VTI1A: variants seen among roughly 807,000 people sequenced by gnomAD.
The protein encoded by VTI1A is vesicle transport through interaction with t-SNAREs homolog 1A.
In VTI1A, 22 loss-of-function variants were observed where a neutral mutation model predicts 34.9. The observed-to-expected ratio is 0.63, with a 90% CI of 0.45 to 0.90. The LOEUF (loss-of-function observed/expected upper bound fraction) is 0.90, where lower values mean the gene tolerates loss of function less well. Ranked by LOEUF, VTI1A falls within the 40% of genes least tolerant of loss-of-function variation. The probability of loss-of-function intolerance (pLI) is 0.00; values close to 1 mark genes in which losing one functional copy is unlikely to be tolerated. For missense variants in VTI1A, 268 were observed against 275.6 expected, an observed-to-expected ratio of 0.97 and a Z score of 0.20; for synonymous variants, 87 against 97.3, an observed-to-expected ratio of 0.89 and a Z score of 0.62.
chr10:112,476,952 T>A (rs892671235), intron 3 of VTI1A, among the ~76,000 whole-genome samples: 1 of 152,206 alleles, frequency 6.6e-6, no homozygotes, highest in Non-Finnish European at 1.5e-5. Flanking sequence ...TGGTAAAGAC[T>A]GAGCCAGATC....
At chr10:112,489,809 T>C (rs1848760262) in intron 3 of VTI1A, among the ~76,000 whole-genome samples, 1 of 152,224 alleles carries the variant, frequency 6.6e-6, no homozygotes, top group Non-Finnish European at 1.5e-5. Flanking sequence ...GTTGTGGCTA[T>C]ATATAGGTAA....
intron 5 of VTI1A, among the ~76,000 whole-genome samples, chr10:112,641,951 T>G (rs538600115): frequency 3.3e-5 from 5 of 152,304 alleles, no homozygotes; most frequent in Non-Finnish European, 7.3e-5. Flanking sequence ...GAGCAGAAAT[T>G]GAACTGATCG....
chr10:112,793,254 A>G (rs540730624), intron 7 of VTI1A, among the ~76,000 whole-genome samples: 2 of 152,346 alleles, frequency 1.3e-5, no homozygotes, highest in South Asian at 4.1e-4. Flanking sequence ...AATTAGTACA[A>G]GAAACCCAGA....
intron 3 of VTI1A, among the ~76,000 whole-genome samples, chr10:112,491,397 C>T (rs1395411192): frequency 6.6e-6 from 1 of 152,142 alleles, no homozygotes; most frequent in African/African-American, 2.4e-5. Context: ...ACCTCAGTTT[C>T]CTTATCTGTA....
chr10:112,752,990 C>G (rs7069423), intron 7 of VTI1A, among the ~76,000 whole-genome samples: 7,510 of 151,972 alleles, frequency 0.049, 632 homozygotes, highest in African/African-American at 0.17. Context: ...GCCTGAAAAA[C>G]GGTTTTTTTT....
At chr10:112,769,204 C>T (rs555190737) in intron 7 of VTI1A, among the ~76,000 whole-genome samples, 1 of 152,234 alleles carries the variant, frequency 6.6e-6, no homozygotes, top group Non-Finnish European at 1.5e-5. Flanking sequence ...TCCAGATCAC[C>T]ACCACAGCCC....
intron 5 of VTI1A, among the ~76,000 whole-genome samples, chr10:112,639,635 T>A (rs1222126690): frequency 6.6e-6 from 1 of 152,204 alleles, no homozygotes; most frequent in Non-Finnish European, 1.5e-5. Flanking sequence ...TAGAACAGGC[T>A]GAAAACACTA....
intron 3 of VTI1A, among the ~76,000 whole-genome samples, chr10:112,469,988 C>T (rs1316732428): frequency 6.6e-6 from 1 of 152,172 alleles, no homozygotes; most frequent in Non-Finnish European, 1.5e-5. Flanking sequence ...GGGAAAGTGC[C>T]TCCAGGCTGA....
intron 3 of VTI1A, among the ~76,000 whole-genome samples, chr10:112,517,009 C>A (rs1262152541): frequency 6.6e-6 from 1 of 152,018 alleles, no homozygotes; most frequent in African/African-American, 2.4e-5. Flanking sequence ...TTGCCAGCTC[C>A]TAGGTGATAG....
intron 5 of VTI1A, among the ~76,000 whole-genome samples, chr10:112,629,176 C>T (rs575621091): frequency 9.2e-5 from 14 of 152,340 alleles, no homozygotes; most frequent in South Asian, 6.2e-4. Context: ...ACTTGTCCAG[C>T]GCTGTCATCA....
intron 5 of VTI1A, among the ~76,000 whole-genome samples, chr10:112,655,291 G>C (rs1847191677): frequency 6.6e-6 from 1 of 152,174 alleles, no homozygotes; most frequent in Admixed American, 6.5e-5. Flanking sequence ...TGATCAAGTA[G>C]GTATATCAAG....
intron 7 of VTI1A, among the ~76,000 whole-genome samples, chr10:112,705,774 G>T (rs1390768809): frequency 2.0e-5 from 3 of 152,164 alleles, no homozygotes; most frequent in African/African-American, 7.2e-5. Flanking sequence ...TAAAGGAGGG[G>T]TTCTCAAATT....
intron 7 of VTI1A, among the ~76,000 whole-genome samples, chr10:112,769,728 G>A (rs1851746861): frequency 6.6e-6 from 1 of 152,180 alleles, no homozygotes; most frequent in South Asian, 2.1e-4. Flanking sequence ...GCAAGATCCA[G>A]GAGTCTCACC....
chr10:112,739,111 G>A (rs1850599483), intron 7 of VTI1A, among the ~76,000 whole-genome samples: 1 of 152,160 alleles, frequency 6.6e-6, no homozygotes, highest in South Asian at 2.1e-4. Flanking sequence ...TTGCACATTG[G>A]CATGCTGTTC....
chr10:112,805,461 C>T (rs956879717), intron 7 of VTI1A, among the ~76,000 whole-genome samples: 1 of 152,150 alleles, frequency 6.6e-6, no homozygotes, highest in Admixed American at 6.5e-5. Context: ...TGACAGACTG[C>T]GTAGTCCCCA....
intron 3 of VTI1A, among the ~76,000 whole-genome samples, chr10:112,487,819 A>G (rs1488459333): frequency 6.6e-6 from 1 of 152,238 alleles, no homozygotes; most frequent in Non-Finnish European, 1.5e-5. Context: ...CAAATAGTTT[A>G]ACTTAAAAAT....
intron 3 of VTI1A, among the ~76,000 whole-genome samples, chr10:112,489,247 T>C (rs1228955460): frequency 1.3e-5 from 2 of 152,342 alleles, no homozygotes; most frequent in East Asian, 3.9e-4. Flanking sequence ...CTTCCAGCTC[T>C]AAAATTTTTA....
intron 7 of VTI1A, among the ~76,000 whole-genome samples, chr10:112,731,301 C>T (rs12766280): frequency 0.059 from 9,005 of 152,204 alleles, 331 homozygotes; most frequent in Middle Eastern, 0.085. Context: ...AGGCCAGGCC[C>T]GGTGGCTCAC....
At chr10:112,831,241 C>T in the VTI1A span, 30 of 152,130 alleles carry the variant, frequency 2.0e-4, 1 homozygote, top group Admixed American at 2.0e-3. Flanking sequence ...CAAAACTTCA[C>T]CACCAGCAAG....
Sources: allele counts gnomAD v4.1 joint callset (sites outside exome capture counted in the v4.1 genomes callset), GRCh38; gene constraint gnomAD v4.1.1; transcripts MANE v1.5; gene names NCBI Gene and HGNC (gene_info 2026-07-23, HGNC 2026-07-21).